Variants in PLEC observed in about 807,000 individuals in gnomAD.
PLEC encodes hemidesmosomal protein 1.
A neutral mutation model predicts 392.8 loss-of-function variants in PLEC; 216 were observed. The observed-to-expected ratio is 0.55, with a 90% CI of 0.49 to 0.62. PLEC has a LOEUF of 0.62. Among genes scored for constraint, PLEC ranks in the 20% least tolerant of loss-of-function variants. The pLI, the probability that PLEC is intolerant of heterozygous loss-of-function variation, is 0.00. For synonymous variants in PLEC, 3,621 were observed against 2,980.6 expected (o/e 1.21, Z -7.00); for missense variants, 6,863 against 6,563.4 (o/e 1.05, Z -1.58).
upstream of PLEC, among the ~76,000 whole-genome samples, chr8:143,952,399 G>A (rs190948717): frequency 6.6e-5 from 10 of 152,270 alleles, no homozygotes; most frequent in East Asian, 1.9e-3. Flanking sequence ...GCTCCAGGAA[G>A]ATGTAGGGAC....
rs782344399 is a variant in PLEC at position 143,917,952 on chromosome 8, T to C, written c.11869A>G (p.Ile3957Val). The change falls in exon 32 of 32, where the codon ATC (isoleucine) becomes GTC (valine). Residue 3957 changes from isoleucine (I) to valine (V), a missense_variant. Physicochemically the swap from Ile to Val is conservative, Grantham distance 29. Coordinates refer to ENST00000345136, the MANE Select transcript of PLEC (RefSeq NM_201384.3). Reference protein sequence around the residue: ...LSVYQAMKKGIIRPGTAFELL... With the variant: ...LSVYQAMKKGVIRPGTAFELL... ...TCAAAGGCTGTGCCGGGGCGGATGA[T>C]GCCCTTCTTCATGGCCTGGTACACC... 5.6e-6 allele frequency: 9 copies of C among 1,612,786 alleles called. No homozygotes were observed. The African/African-American group carries it at 9.3e-5, about 17-fold the overall frequency.
intron 1 of PLEC, 83 bp from the exon 2 acceptor site, chr8:143,938,775 C>T: frequency 8.0e-7 from 1 of 1,249,800 alleles, no homozygotes; most frequent in Non-Finnish European, 1.2e-6. Context: ...ACACAGCAGC[C>T]TGGCTGGCCA....
Position 143,924,679 on chromosome 8 carries a change from C to T in PLEC, c.5250G>A (p.Arg1750=), listed in dbSNP as rs1554698616. The change falls in exon 31 of 32, where the codon CGG becomes CGA. Residue 1750 remains arginine (R), a synonymous_variant. Transcript: ENST00000345136. The part of the protein sequence containing the change: ...QREAAAATQK[R]QELEAELAKV... The stretch of plus-strand genomic sequence containing the variant: ...TGGCCAGCTCGGCTTCCAGCTCCTG[C>T]CGTTTCTGCGTGGCTGCAGCCGCCT... The T allele has an allele frequency of 1.2e-5, 18 of 1,535,250 alleles. No individual in the cohort carries two copies. The highest frequency in any genetic ancestry group is 1.7e-4 in the Middle Eastern group (1 of 5,986).
At chr8:143,964,060 C>G (rs966272919) in intron 1 of PLEC, among the ~76,000 whole-genome samples, 2 of 152,122 alleles carry the variant, frequency 1.3e-5, no homozygotes, top group African/African-American at 4.8e-5. Flanking sequence ...ACCCACAGGC[C>G]TCCCAAAGTG....
chr8:143,930,129 GC>G lies in PLEC; in HGVS notation c.2612+14del. On this transcript the variant is annotated intron_variant, in intron 21 of 31. Transcript: ENST00000345136. ...CCGCCTTCCAGCCCCCACCTGCTGA[GC>G]CCCCGCCACCCACCTGGTGACGGCC... The G allele has an allele frequency of 6.3e-7, 1 of 1,588,268 alleles. No individual in the cohort carries two copies. Among genetic ancestry groups the G allele is most frequent in the Non-Finnish European group, 8.5e-7 (1 of 1,172,970 alleles).
chr8:143,917,769 A>G lies in PLEC; in HGVS notation c.12052T>C (p.Tyr4018His). 1 of 1,613,472 alleles carries G rather than the reference A, an allele frequency of 6.2e-7. No individual in the cohort carries two copies. Among genetic ancestry groups the G allele is most frequent in the Non-Finnish European group, 8.5e-7 (1 of 1,179,966 alleles). The change falls in exon 32 of 32, where the codon TAC becomes CAC. Residue 4018 changes from tyrosine (Y) to histidine (H), a missense_variant. Transcript: ENST00000345136. The stretch of plus-strand genomic sequence containing the variant: ...AAGAGGGAGATGAGCTTCCCAGAGT[A>G]GGGGTCCTTGTACCCAGTGACGGCG... ...ERAVTGYKDP[Y>H]SGKLISLFQA...
In PLEC at chr8:143,924,168, G is replaced by T. The variant is rs201278290; in HGVS notation, c.5761C>A (p.Arg1921=). The part of the protein sequence containing the change: ...GLVEDTLRQR[R]QVEEEILALK... ...GCCAGGATCTCCTCCTCCACCTGCC[G>T]CCGCTGCCTCAGCGTGTCCTCCACC... Residue 1921 remains arginine, a synonymous_variant, in exon 31 of 32, where the codon CGG becomes AGG. Coordinates refer to ENST00000345136, the MANE Select transcript of PLEC (RefSeq NM_201384.3). 1.3e-6 allele frequency: 2 copies of T among 1,598,984 alleles called. No homozygotes were observed. Among genetic ancestry groups the T allele is most frequent in the Non-Finnish European group, 1.7e-6 (2 of 1,179,516 alleles).
chr8:143,931,710 G>A (rs1827315952), intron 18 of PLEC, 51 bp from the exon 19 acceptor site: 4 of 1,572,996 alleles, frequency 2.5e-6, no homozygotes, highest in East Asian at 2.3e-5. Context: ...CAGAGCCCCA[G>A]CCCACAGTTG....
At position 143,925,404 on chromosome 8, in the gene PLEC, G is replaced by A. The variant is rs868970949; in HGVS notation, c.4525C>T (p.Arg1509Cys). The part of the protein sequence containing the change: ...LRRQVQDESQ[R>C]KRQAEVELAS... ...AGCTCCACCTCCGCCTGCCGCTTAC[G>A]CTGGCTCTCGTCCTGCACCTGCCTC... The change falls in exon 31 of 32, where the codon CGT (arginine) becomes TGT (cysteine). Residue 1509 changes from arginine to cysteine, a missense_variant. By Grantham distance (180) the Arg-to-Cys change is radical. Transcript: ENST00000345136. 1.5e-5 allele frequency: 24 copies of A among 1,589,916 alleles called. 1 individual carries two copies. In the Middle Eastern group the frequency reaches 6.8e-4, roughly 45 times the overall value.
rs1823557957 is a variant in PLEC, at chr8:143,923,260, G to A, written c.6669C>T (p.Arg2223=). The A allele has an allele frequency of 6.2e-7, 1 of 1,605,046 alleles. No homozygotes were observed. The highest frequency in any genetic ancestry group is 8.5e-7 in the Non-Finnish European group (1 of 1,179,694). The change falls in exon 31 of 32, where the codon CGC becomes CGT. Residue 2223 remains arginine (R), a synonymous_variant. Transcript: ENST00000345136. ...AGAAGAGCTCCTCCTCCACCTGGCTGCGCTGGCGTGCGGCCTCCGTGGCCT... is the reference window on the plus strand; with the variant it reads ...AGAAGAGCTCCTCCTCCACCTGGCTACGCTGGCGTGCGGCCTCCGTGGCCT... The part of the protein sequence containing the change: ...KAEATEAARQ[R]SQVEEELFSV...
intron 24 of PLEC, 32 bp downstream of exon 24, chr8:143,929,382 G>C: frequency 6.5e-7 from 1 of 1,528,060 alleles, no homozygotes; most frequent in Non-Finnish European, 8.9e-7. Flanking sequence ...TGGGGAGAGG[G>C]ATGGGACTGG....
chr8:143,945,930 C>T (rs1452561399), intron 1 of PLEC, among the ~76,000 whole-genome samples: 3 of 152,268 alleles, frequency 2.0e-5, no homozygotes, highest in African/African-American at 4.8e-5. Context: ...CCCTGAGGGT[C>T]AGGGATACCC....
chr8:143,938,260 T>C lies in PLEC; in HGVS notation c.175-20A>G, dbSNP rs1275879840. 3.6e-5 allele frequency: 57 copies of C among 1,576,842 alleles called. No homozygotes were observed. Among genetic ancestry groups the C allele is most frequent in the Non-Finnish European group, 4.7e-5 (55 of 1,163,314 alleles). Reference sequence around the variant, plus strand: ...CTGGGCCTGTGGGGACAGCAGCGGCTGAGGTGGCCAGTCCCCCAGAGCCAC... The same window carrying C: ...CTGGGCCTGTGGGGACAGCAGCGGCCGAGGTGGCCAGTCCCCCAGAGCCAC... On this transcript the variant is annotated intron_variant, in intron 2 of 31. Coordinates refer to ENST00000345136, the MANE Select transcript of PLEC (RefSeq NM_201384.3).
chr8:143,950,309 G>A (rs374856446), exon 1 of PLEC: 93 of 1,572,410 alleles, frequency 5.9e-5, no homozygotes, highest in African/African-American at 5.0e-4. Flanking sequence ...CTCCTCCGTC[G>A]GCAGCGGCCC....
chr8:143,921,982 CTCT>C lies in PLEC; in HGVS notation c.7836_7838del (p.Glu2614del), dbSNP rs781936703. 12 of 1,598,646 alleles carry C rather than the reference CTCT, an allele frequency of 7.5e-6. No individual in the cohort carries two copies. In the African/African-American group the frequency reaches 9.3e-5, roughly 12 times the overall value. ...CAGCCACCTGCGAGGCAGTGACCTC[CTCT>C]GAGTGCGCCAGCGCGGCCCGGTGCT... On this transcript the variant is annotated inframe_deletion, in exon 32 of 32. Coordinates refer to ENST00000345136, the MANE Select transcript of PLEC (RefSeq NM_201384.3).
chr8:143,920,475 G>A lies in PLEC; in HGVS notation c.9346C>T (p.Leu3116=). 2 of 1,605,192 alleles carry A rather than the reference G, an allele frequency of 1.2e-6. No homozygotes were observed. The highest frequency in any genetic ancestry group is 8.5e-7 in the Non-Finnish European group (1 of 1,176,238). The change falls in exon 32 of 32, where the codon CTG becomes TTG. Residue 3116 remains leucine, a synonymous_variant. Transcript: ENST00000345136. The stretch of plus-strand genomic sequence containing the variant: ...AGGCCCTTCTTCAGGGCCTGGAACA[G>A]GGAGACGCTCTGCCCTGTGTAGGGG... ...RDPYTGQSVS[L]FQALKKGLIP... is the part of the protein sequence containing the mutation.
chr8:143,929,060 C>A, intron 25 of PLEC, 43 bp downstream of exon 25: 2 of 1,535,758 alleles, frequency 1.3e-6, no homozygotes, highest in Non-Finnish European at 1.8e-6. Flanking sequence ...CCCAGCACCC[C>A]CCAGCCGACC....
chr8:143,955,016 C>T (rs1024171820), upstream of PLEC, among the ~76,000 whole-genome samples: 1 of 152,198 alleles, frequency 6.6e-6, no homozygotes, highest in African/African-American at 2.4e-5. Context: ...AGCTAACAGG[C>T]AAAGGGCCAG....
upstream of PLEC, among the ~76,000 whole-genome samples, chr8:143,973,876 A>G (rs1833563733): frequency 6.6e-6 from 1 of 151,982 alleles, no homozygotes; most frequent in Non-Finnish European, 1.5e-5. The surrounding 1 kb of genome is among the most constrained non-coding windows in gnomAD (Gnocchi z 5.6). Flanking sequence ...TCCTGCGTGC[A>G]GCTGAGAACT....
Sources: gnomAD v4.1 joint callset for allele counts (sites outside exome capture counted in the v4.1 genomes callset) on GRCh38, gnomAD v4.1.1 for gene constraint, Gnocchi (gnomAD v3.1) non-coding constraint, MANE v1.5 for transcripts, NCBI Gene and HGNC (gene_info 2026-07-23, HGNC 2026-07-21) for gene names.